Variants in ME2 observed in about 807,000 individuals in gnomAD.
ME2 encodes the protein NAD-dependent malic enzyme, mitochondrial.
In ME2, 60 loss-of-function variants were observed where a neutral mutation model predicts 73.7. The observed-to-expected ratio is 0.81, with a 90% CI of 0.66 to 1.01. The LOEUF (loss-of-function observed/expected upper bound fraction) is 1.01, where lower values mean the gene tolerates loss of function less well. Among genes scored for constraint, ME2 ranks in the 50% least tolerant of loss-of-function variants. The probability of loss-of-function intolerance (pLI) is 0.00; values close to 1 mark genes in which losing one functional copy is unlikely to be tolerated. For synonymous variants in ME2, 199 were observed against 236.9 expected, an observed-to-expected ratio of 0.84 and a Z score of 1.47; for missense variants, 594 against 705.5, an observed-to-expected ratio of 0.84 and a Z score of 1.79.
At chr18:50,912,670 GT>G in intron 3 of ME2, 130 bp from the exon 4 acceptor site, 34 of 764,448 alleles carry the variant, frequency 4.4e-5, no homozygotes, top group South Asian at 1.4e-4. Flanking sequence ...AAGGTTTTGG[GT>G]TTTTTTTAGA....
chr18:50,891,150 C>T (rs1433658490), intron 1 of ME2, among the ~76,000 whole-genome samples: 1 of 152,048 alleles, frequency 6.6e-6, no homozygotes, highest in East Asian at 1.9e-4. Flanking sequence ...ACCAGTAGAC[C>T]CAAGGCAAAA....
intron 11 of ME2, 106 bp from the exon 12 acceptor site, chr18:50,925,650 A>ATT: frequency 1.1e-6 from 1 of 875,998 alleles, no homozygotes; most frequent in Non-Finnish European, 1.8e-6. Context: ...GTAATGAGAT[A>ATT]TTACCTGTGT....
chr18:50,890,345 C>T (rs1916577542), intron 1 of ME2, among the ~76,000 whole-genome samples: 1 of 152,148 alleles, frequency 6.6e-6, no homozygotes, highest in African/African-American at 2.4e-5. Context: ...AACTCCTGAG[C>T]TCAAGTGATC....
chr18:50,894,595 G>A (rs1371508223), intron 1 of ME2, among the ~76,000 whole-genome samples: 1 of 145,766 alleles, frequency 6.9e-6, no homozygotes, highest in Admixed American at 7.0e-5. Flanking sequence ...TTTTGGCCGG[G>A]AACGGTGGCT....
intron 13 of ME2, among the ~76,000 whole-genome samples, chr18:50,936,367 A>T (rs1030901864): frequency 4.6e-5 from 7 of 152,238 alleles, no homozygotes; most frequent in Non-Finnish European, 5.9e-5. Flanking sequence ...ATTAAAGGAA[A>T]GGAAATTTTG....
In ME2 at chr18:50,952,664, A is replaced by G. The variant is rs973140388; in HGVS notation, c.*5480A>G. The G allele has an allele frequency of 6.6e-6, 1 of 152,310 alleles. No individual in the cohort carries two copies. Among genetic ancestry groups the G allele is most frequent in the Admixed American group, 6.5e-5 (1 of 15,292 alleles). The allele number at this position is 152,310 out of a possible 1,614,324, so 9.4% of individuals were successfully genotyped here. A position where few individuals can be genotyped will look rare whatever the true frequency, so the allele number is the denominator to read the frequency against. On this transcript the variant is annotated 3_prime_UTR_variant, in exon 16 of 16. Transcript: ENST00000321341. ...TTAAGACTAGGGGAAACTTGTGGGT[A>G]TATATTCAGTGGTTTTCAGGATTTT...
intron 2 of ME2, among the ~76,000 whole-genome samples, chr18:50,903,234 T>G (rs642633): frequency 6.6e-6 from 1 of 152,068 alleles, no homozygotes; most frequent in Admixed American, 6.5e-5. Context: ...AATGTCATCA[T>G]CACAGGCTTG....
intron 1 of ME2, among the ~76,000 whole-genome samples, chr18:50,884,144 A>G (rs573279167): frequency 1.3e-5 from 2 of 152,188 alleles, no homozygotes; most frequent in African/African-American, 4.8e-5. Flanking sequence ...AATTATGCCT[A>G]CTAAAGACAC....
intron 1 of ME2, among the ~76,000 whole-genome samples, chr18:50,883,266 T>C (rs1027684525): frequency 1.7e-4 from 26 of 152,192 alleles, no homozygotes; most frequent in Middle Eastern, 3.2e-3. Context: ...CAGCAAAGCC[T>C]GTGCTTGTTG....
chr18:50,912,408 G>C lies in ME2; in HGVS notation c.243-393G>C, dbSNP rs371883725. 8.5e-5 allele frequency among the ~76,000 whole-genome samples: 13 copies of C among 152,220 alleles called. No individual in the cohort carries two copies. In the East Asian group the frequency reaches 9.6e-4, roughly 11 times the overall value. Reference sequence around the variant, plus strand: ...AATAGTGCCAGGCATATAGTGTTAAGCAAATGTTTGAATTAATGCCACTTT... The same window carrying C: ...AATAGTGCCAGGCATATAGTGTTAACCAAATGTTTGAATTAATGCCACTTT... On this transcript the variant is annotated intron_variant, in intron 3 of 15. Transcript: ENST00000321341.
At chr18:50,885,518 T>TA (rs879441302) in intron 1 of ME2, among the ~76,000 whole-genome samples, 35 of 146,682 alleles carry the variant, frequency 2.4e-4, no homozygotes, top group South Asian at 8.6e-4. Flanking sequence ...ATACTGTCTC[T>TA]AAAAAAAAAA....
At chr18:50,941,127 G>C (rs943169719) in intron 15 of ME2, among the ~76,000 whole-genome samples, 4 of 151,278 alleles carry the variant, frequency 2.6e-5, no homozygotes, top group Non-Finnish European at 5.9e-5. Context: ...CAGGCATGGT[G>C]GTGGGCACCT....
At position 50,948,929 on chromosome 18, in the gene ME2, T is replaced by G. The variant is rs1462986571; in HGVS notation, c.*1745T>G. ...TGGCATGATCTCTGCAACCTCTGCC[T>G]CCTCGGTTCAGGCGATTCTTCTGCC... is the stretch of plus-strand genomic sequence containing the variant. On this transcript the variant is annotated 3_prime_UTR_variant, in exon 16 of 16. Coordinates refer to ENST00000321341, the MANE Select transcript of ME2 (RefSeq NM_002396.5). 1 of 147,594 alleles carries G rather than the reference T, an allele frequency of 6.8e-6. No individual in the cohort carries two copies. Among genetic ancestry groups the G allele is most frequent in the East Asian group, 2.0e-4 (1 of 4,892 alleles). The allele number at this position is 147,594 out of a possible 1,614,324, so 9.1% of individuals were successfully genotyped here.
At chr18:50,901,767 G>A (rs1165759765) in intron 2 of ME2, among the ~76,000 whole-genome samples, 1 of 152,150 alleles carries the variant, frequency 6.6e-6, no homozygotes, top group Non-Finnish European at 1.5e-5. Flanking sequence ...CTGCCTCTGT[G>A]TTGGCTGCCT....
intron 4 of ME2, chr18:50,913,185 A>G (rs771219781): frequency 2.6e-5 from 8 of 311,992 alleles, no homozygotes; most frequent in Non-Finnish European, 4.6e-5. Context: ...TGATTGTTAG[A>G]GGAATTACAT....
At chr18:50,900,308 T>G (rs1026430463) in intron 2 of ME2, among the ~76,000 whole-genome samples, 2 of 151,168 alleles carry the variant, frequency 1.3e-5, no homozygotes, top group African/African-American at 4.9e-5. Flanking sequence ...ATTTATTTAT[T>G]TATTGAGATG....
chr18:50,940,437 T>C, intron 15 of ME2, 51 bp downstream of exon 15: 1 of 1,162,664 alleles, frequency 8.6e-7, no homozygotes, highest in Non-Finnish European at 1.3e-6. Flanking sequence ...CATTTTCTTA[T>C]ACAAGAAATA....
chr18:50,912,764 G>A (rs929647107), intron 3 of ME2, 37 bp from the exon 4 acceptor site: 1 of 1,443,866 alleles, frequency 6.9e-7, no homozygotes. Flanking sequence ...ATGTAATGCA[G>A]GCTGACTTAG....
intron 15 of ME2, 96 bp from the exon 16 acceptor site, chr18:50,946,921 A>T: frequency 1.1e-6 from 1 of 871,630 alleles, no homozygotes; most frequent in African/African-American, 1.7e-5. Flanking sequence ...GAAGAATGCC[A>T]TTCTTCTAAA....
Sources: allele counts gnomAD v4.1 joint callset (sites outside exome capture counted in the v4.1 genomes callset), GRCh38; gene constraint gnomAD v4.1.1; transcripts MANE v1.5; gene names NCBI Gene and HGNC (gene_info 2026-07-23, HGNC 2026-07-21).